The following VSTM5 variants were observed in gnomAD, a reference collection of about 807,000 sequenced individuals.
VSTM5 encodes the protein V-set and transmembrane domain containing 5, also known as V-set and transmembrane domain-containing protein 5.
Under a neutral mutation model 20.3 loss-of-function variants are expected in VSTM5, and 21 were observed. That is an observed-to-expected ratio of 1.03 (90% CI 0.73 to 1.49). The LOEUF (loss-of-function observed/expected upper bound fraction) is 1.49. Ranked by LOEUF, VSTM5 falls within the 40% of genes most tolerant of loss-of-function variation. The pLI is 0.00. For missense variants in VSTM5, 219 were observed against 250.0 expected, an observed-to-expected ratio of 0.88 and a Z score of 0.84; for synonymous variants, 100 against 102.5, an observed-to-expected ratio of 0.98 and a Z score of 0.14.
At chr11:93,845,975 C>T (rs1360869679) in intron 1 of VSTM5, among the ~76,000 whole-genome samples, 2 of 152,234 alleles carry the variant, frequency 1.3e-5, no homozygotes, top group East Asian at 3.9e-4. Context: ...TGGAATAACT[C>T]AACTTCAATC....
chr11:93,821,013 G>C lies in VSTM5; in HGVS notation c.402C>G (p.Ile134Met). ...ATGTCTTACCAGAGACGTGCAGCAC[G>C]ATGGTGCCAAACTGGCTGCTCCCCA... ...ERLGSSQFGT[I>M]VLHVSEILYE... Residue 134 changes from isoleucine to methionine, a missense_variant, in exon 2 of 4, where the codon ATC becomes ATG. Physicochemically the swap from Ile to Met is conservative, Grantham distance 10 (BLOSUM62 1). Transcript: ENST00000409977. The C allele has an allele frequency of 6.4e-7, 1 of 1,551,676 alleles. No individual in the cohort carries two copies. Among genetic ancestry groups the C allele is most frequent in the Non-Finnish European group, 8.7e-7 (1 of 1,146,988 alleles).
rs993554859 is a variant in VSTM5 at position 93,848,372 on chromosome 11, G to T, written c.91+2040C>A. ...AGGCCCTGGCTAGCACTGGGCAAGT[G>T]CTAGGGACCCTGAGTTGAAACAGAG... On this transcript the variant is annotated intron_variant, in intron 1 of 3. Transcript: ENST00000409977. Among the ~76,000 whole-genome samples the T allele has an allele frequency of 6.9e-4, 105 of 152,320 alleles. 1 individual carries two copies. Among genetic ancestry groups the T allele is most frequent in the African/African-American group, 2.4e-3 (101 of 41,576 alleles).
At chr11:93,844,179 C>G (rs953935908) in intron 1 of VSTM5, among the ~76,000 whole-genome samples, 1 of 152,214 alleles carries the variant, frequency 6.6e-6, no homozygotes, top group African/African-American at 2.4e-5. Context: ...GGAGAAAGTT[C>G]TGGTTCAAGA....
chr11:93,825,736 T>C (rs1944227733), intron 1 of VSTM5, among the ~76,000 whole-genome samples: 1 of 151,524 alleles, frequency 6.6e-6, no homozygotes, highest in South Asian at 2.1e-4. Flanking sequence ...CAGGTTTTTT[T>C]TTTCTTCCTT....
rs150267883 is a variant in VSTM5 at position 93,840,522 on chromosome 11, A to G, written c.91+9890T>C. Among the ~76,000 whole-genome samples the G allele has an allele frequency of 1.6e-3, 242 of 152,354 alleles. 1 individual carries two copies. Among genetic ancestry groups the G allele is most frequent in the African/African-American group, 5.4e-3 (225 of 41,590 alleles). On this transcript the variant is annotated intron_variant, in intron 1 of 3. Transcript: ENST00000409977. The stretch of plus-strand genomic sequence containing the variant: ...AAGAGCAGTGTTGGAGACACTAGGG[A>G]CAGCTCTTTCAGGAAGACAGTTGGG...
Position 93,819,509 on chromosome 11 carries a change from T to TGAA in VSTM5, c.*1057_*1059dup, listed in dbSNP as rs1246248543. ...TTTCCAGTATAGCTTTCCAGATCCTTGAAGAAGCCTCATGCATTTCGTAAG... is the reference window on the plus strand; with the variant it reads ...TTTCCAGTATAGCTTTCCAGATCCTTGAAGAAGAAGCCTCATGCATTTCGTAAG... On this transcript the variant is annotated 3_prime_UTR_variant, in exon 4 of 4. Coordinates refer to ENST00000409977, the MANE Select transcript of VSTM5 (RefSeq NM_001144871.2). 1 of 152,270 alleles carries TGAA rather than the reference T, an allele frequency of 6.6e-6. No homozygotes were observed. The highest frequency in any genetic ancestry group is 1.5e-5 in the Non-Finnish European group (1 of 68,072). 9.4% of individuals were successfully genotyped at this position (152,270 alleles called of 1,614,324 possible).
chr11:93,845,427 G>A (rs1944405404), intron 1 of VSTM5, among the ~76,000 whole-genome samples: 1 of 152,146 alleles, frequency 6.6e-6, no homozygotes, highest in South Asian at 2.1e-4. Context: ...TGACCAGCTG[G>A]ACACATGGAC....
intron 1 of VSTM5, among the ~76,000 whole-genome samples, chr11:93,834,561 G>A (rs1009936647): frequency 6.6e-6 from 1 of 150,780 alleles, no homozygotes; most frequent in African/African-American, 2.4e-5. Flanking sequence ...TGGATTGTTT[G>A]AGGCCAGGAA....
chr11:93,837,837 C>G (rs1401238806), intron 1 of VSTM5, among the ~76,000 whole-genome samples: 1 of 151,964 alleles, frequency 6.6e-6, no homozygotes, highest in African/African-American at 2.4e-5. Flanking sequence ...GCAAACACAC[C>G]CATAAAAAAA....
chr11:93,834,376 C>T (rs1157812360), intron 1 of VSTM5, among the ~76,000 whole-genome samples: 1 of 152,194 alleles, frequency 6.6e-6, no homozygotes, highest in Non-Finnish European at 1.5e-5. Context: ...CCACCACACT[C>T]ACCAGCTGTT....
chr11:93,842,331 G>A (rs1944377184), intron 1 of VSTM5, among the ~76,000 whole-genome samples: 4 of 152,214 alleles, frequency 2.6e-5, no homozygotes, highest in Admixed American at 1.3e-4. Flanking sequence ...ACTGGAATAA[G>A]CACTTGTAAA....
intron 1 of VSTM5, 140 bp downstream of exon 1, chr11:93,850,272 G>A (rs1944448016): frequency 1.6e-6 from 1 of 626,102 alleles, no homozygotes; most frequent in South Asian, 2.5e-5. Context: ...CGCGGTGCCT[G>A]CCAGCCGAGC....
At chr11:93,840,981 G>T (rs1226831063) in intron 1 of VSTM5, among the ~76,000 whole-genome samples, 1 of 152,134 alleles carries the variant, frequency 6.6e-6, no homozygotes, top group African/African-American at 2.4e-5. Flanking sequence ...AAAACACCTG[G>T]GTCTGGGGGC....
At position 93,834,537 on chromosome 11, in the gene VSTM5, G is replaced by A. The variant is rs562034752; in HGVS notation, c.92-13214C>T. Among the ~76,000 whole-genome samples, 7 of 152,206 alleles carry A rather than the reference G, an allele frequency of 4.6e-5. No individual in the cohort carries two copies. In the South Asian group the frequency reaches 1.2e-3, roughly 27 times the overall value. On this transcript the variant is annotated intron_variant, in intron 1 of 3. Transcript: ENST00000409977. ...CATGCCTGTAATCCCAGTACTTCAG[G>A]AGGTTGGGGCAGATGGATTGTTTGA...
chr11:93,829,515 T>A (rs1057240076), intron 1 of VSTM5, among the ~76,000 whole-genome samples: 3 of 151,844 alleles, frequency 2.0e-5, no homozygotes, highest in African/African-American at 7.3e-5. Flanking sequence ...GGCAACAGAG[T>A]GAGACTCAGT....
intron 1 of VSTM5, among the ~76,000 whole-genome samples, chr11:93,849,802 C>T (rs1944443083): frequency 6.6e-6 from 1 of 152,224 alleles, no homozygotes; most frequent in East Asian, 1.9e-4. Flanking sequence ...CGGGTCCGGC[C>T]ATCCAAAGCA....
chr11:93,820,652 C>T (rs1944173159), intron 3 of VSTM5, 40 bp from the exon 4 acceptor site: 2 of 1,551,614 alleles, frequency 1.3e-6, no homozygotes, highest in South Asian at 1.2e-5. Flanking sequence ...GAAATCAAGC[C>T]ACATAGTGCT....
intron 1 of VSTM5, among the ~76,000 whole-genome samples, chr11:93,824,908 C>A (rs1944220221): frequency 6.6e-6 from 1 of 152,194 alleles, no homozygotes; most frequent in Non-Finnish European, 1.5e-5. Flanking sequence ...TGCCAACACC[C>A]TTTATGAAGA....
intron 1 of VSTM5, among the ~76,000 whole-genome samples, chr11:93,835,915 C>A (rs1403631921): frequency 6.6e-6 from 1 of 152,042 alleles, no homozygotes; most frequent in Non-Finnish European, 1.5e-5. Flanking sequence ...GGACTGTGTG[C>A]AAATACTACC....
Sources: allele counts gnomAD v4.1 joint callset (sites outside exome capture counted in the v4.1 genomes callset), GRCh38; gene constraint gnomAD v4.1.1; transcripts MANE v1.5; gene names NCBI Gene and HGNC (gene_info 2026-07-23, HGNC 2026-07-21).